Variants in TCF12 observed in about 807,000 individuals in gnomAD.
TCF12 encodes the protein DNA-binding protein HTF4.
In TCF12, 45 loss-of-function variants were observed where a neutral mutation model predicts 86.0. That is an observed-to-expected ratio of 0.52 (90% CI 0.41 to 0.67). TCF12 has a LOEUF of 0.67. TCF12 is among the 30% of genes least tolerant of loss of function. TCF12 has a pLI of 0.00. For missense variants in TCF12, 881 were observed against 859.9 expected, an observed-to-expected ratio of 1.02 and a Z score of -0.31; for synonymous variants, 330 against 299.6, an observed-to-expected ratio of 1.10 and a Z score of -1.05.
chr15:57,009,935 T>C (rs1208975855), intron 3 of TCF12, among the ~76,000 whole-genome samples: 1 of 152,220 alleles, frequency 6.6e-6, no homozygotes, highest in Non-Finnish European at 1.5e-5. Flanking sequence ...TTTGGATTTA[T>C]ATATTTGAGG....
At chr15:57,066,628 T>C (rs2068897676) in intron 4 of TCF12, among the ~76,000 whole-genome samples, 1 of 152,164 alleles carries the variant, frequency 6.6e-6, no homozygotes, top group Non-Finnish European at 1.5e-5. Flanking sequence ...AAAAGGGTAT[T>C]AGAAACTGCA....
At chr15:57,225,329 T>C (rs1388950659) in intron 8 of TCF12, among the ~76,000 whole-genome samples, 1 of 136,290 alleles carries the variant, frequency 7.3e-6, no homozygotes, top group Non-Finnish European at 1.5e-5. Flanking sequence ...AAGCTCCGCC[T>C]CCCAGGTTCA....
chr15:57,219,720 CT>C lies in TCF12; in HGVS notation c.580-11414del, dbSNP rs11395092. 32,637 of 293,390 alleles carry C rather than the reference CT, an allele frequency of 0.11. 301 individuals carry two copies. Among genetic ancestry groups the C allele is most frequent in the Admixed American group, 0.19 (3,519 of 18,126 alleles). 18.2% of individuals were successfully genotyped at this position (293,390 alleles called of 1,614,324 possible). A position where few individuals can be genotyped will look rare whatever the true frequency, so the allele number is the denominator to read the frequency against. ...ATGCAATGTATTAGATTGTAGATTT[CT>C]TTTTTTTTTTTTTTTTTGCGGGGGG... On this transcript the variant is annotated intron_variant, in intron 8 of 20. Transcript: ENST00000333725.
intron 5 of TCF12, among the ~76,000 whole-genome samples, chr15:57,123,580 C>G (rs2051392334): frequency 6.6e-6 from 1 of 151,360 alleles, no homozygotes; most frequent in African/African-American, 2.4e-5. Flanking sequence ...GTGGCACAAT[C>G]TCAGCTCACT....
intron 3 of TCF12, among the ~76,000 whole-genome samples, chr15:56,997,750 G>T (rs1352577453): frequency 6.6e-6 from 1 of 152,168 alleles, no homozygotes; most frequent in Non-Finnish European, 1.5e-5. Flanking sequence ...ATTTTTAAAT[G>T]CTGTAAACAA....
chr15:57,261,350 C>G (rs2060577136), intron 16 of TCF12, among the ~76,000 whole-genome samples: 1 of 152,082 alleles, frequency 6.6e-6, no homozygotes, highest in South Asian at 2.1e-4. Context: ...GCTTTGGTTC[C>G]TTTTGTTTAG....
chr15:57,036,141 G>T (rs2066493385), intron 3 of TCF12, among the ~76,000 whole-genome samples: 2 of 151,452 alleles, frequency 1.3e-5, no homozygotes. Context: ...GTTCTTGAAA[G>T]ATTTTGAACG....
At chr15:57,075,345 A>T (rs184351579) in intron 4 of TCF12, among the ~76,000 whole-genome samples, 1 of 152,136 alleles carries the variant, frequency 6.6e-6, no homozygotes, top group Admixed American at 6.5e-5. Context: ...GTCTCTTGGA[A>T]TTCTGTATGC....
intron 3 of TCF12, among the ~76,000 whole-genome samples, chr15:57,056,445 T>C (rs2068036784): frequency 2.0e-5 from 3 of 151,550 alleles, no homozygotes; most frequent in African/African-American, 7.3e-5. Flanking sequence ...CCCAGCCAAT[T>C]TTAGTTATTT....
intron 5 of TCF12, among the ~76,000 whole-genome samples, chr15:57,114,791 G>A (rs755870215): frequency 5.3e-5 from 8 of 152,118 alleles, no homozygotes; most frequent in Non-Finnish European, 1.2e-4. Flanking sequence ...AGTTGGTTGA[G>A]TTTTAAGTTG....
In TCF12 at chr15:56,936,764, C is replaced by G. The variant is rs182026791; in HGVS notation, c.148+15666C>G. ...CTTTCCCCACTTTAGTTTTTGTTTG[C>G]TTTGTTGAAGATCGGCTTTAAGTAT... On this transcript the variant is annotated intron_variant, in intron 3 of 20. Coordinates refer to ENST00000333725, the MANE Select transcript of TCF12 (RefSeq NM_207037.2). 1.4e-3 allele frequency among the ~76,000 whole-genome samples: 216 copies of G among 152,152 alleles called. 5 individuals are homozygous for G. In the East Asian group the frequency reaches 0.026, roughly 18 times the overall value.
intron 5 of TCF12, among the ~76,000 whole-genome samples, chr15:57,128,428 A>G (rs1487205665): frequency 3.3e-5 from 5 of 152,188 alleles, no homozygotes; most frequent in East Asian, 1.9e-4. Context: ...TCATAACACT[A>G]TGTGAGAAGT....
chr15:57,222,470 T>C (rs1263013613), intron 8 of TCF12, among the ~76,000 whole-genome samples: 6 of 151,940 alleles, frequency 3.9e-5, no homozygotes, highest in Non-Finnish European at 8.8e-5. Context: ...GGGTTAATGT[T>C]TTGTATTATA....
intron 4 of TCF12, among the ~76,000 whole-genome samples, chr15:57,075,804 T>TTCTCTCTCTCTCTCTCTCTCTCTCTCTC (rs1244304206): frequency 3.8e-4 from 11 of 28,598 alleles, no homozygotes; most frequent in Non-Finnish European, 4.5e-4. Context: ...CTTTCTTTCT[T>TTCTCTCTCTCTCTCTCTCTCTCTCTCTC]TCTCTCTCTC....
intron 3 of TCF12, among the ~76,000 whole-genome samples, chr15:56,960,165 T>C (rs1334380152): frequency 6.6e-6 from 1 of 152,236 alleles, no homozygotes; most frequent in East Asian, 1.9e-4. Flanking sequence ...GAATTGGACA[T>C]ATTTACTCAG....
chr15:57,087,359 C>T (rs2151093103), intron 4 of TCF12, among the ~76,000 whole-genome samples: 1 of 148,926 alleles, frequency 6.7e-6, no homozygotes, highest in Admixed American at 6.7e-5. Context: ...CTGCGTTGAG[C>T]TGTGATCATG....
intron 3 of TCF12, among the ~76,000 whole-genome samples, chr15:57,043,336 A>G (rs918151493): frequency 1.8e-4 from 27 of 152,114 alleles, no homozygotes; most frequent in African/African-American, 6.0e-4. Flanking sequence ...TGGTAGTTCT[A>G]TTTTTAATTT....
intron 5 of TCF12, among the ~76,000 whole-genome samples, chr15:57,148,976 A>G (rs991847302): frequency 1.2e-4 from 19 of 152,176 alleles, no homozygotes; most frequent in Admixed American, 1.0e-3. Context: ...TCTTAAATCT[A>G]TGTTTACATT....
In TCF12 at chr15:57,243,492, C is replaced by T; in HGVS notation, c.1056C>T (p.Thr352=). Residue 352 remains threonine (T), a synonymous_variant, in exon 13 of 21, where the codon ACC becomes ACT. Transcript: ENST00000333725. ...ALASIYSPDH[T]SSSFPSNPST... ...GTTAGATTTATTCTCCTGACCATAC[C>T]AGCAGTAGTTTTCCGTCAAATCCAT... 1 of 1,613,744 alleles carries T rather than the reference C, an allele frequency of 6.2e-7. No individual in the cohort carries two copies. Among genetic ancestry groups the T allele is most frequent in the Non-Finnish European group, 8.5e-7 (1 of 1,179,820 alleles).
Sources: allele counts gnomAD v4.1 joint callset (sites outside exome capture counted in the v4.1 genomes callset), GRCh38; gene constraint gnomAD v4.1.1; transcripts MANE v1.5; gene names NCBI Gene and HGNC (gene_info 2026-07-23, HGNC 2026-07-21).